Variants in E2F3 observed in about 807,000 individuals in gnomAD.
E2F3 encodes the protein E2F transcription factor 3, also known as transcription factor E2F3.
Under a neutral mutation model 44.4 loss-of-function variants are expected in E2F3, and 11 were observed. The observed-to-expected ratio is 0.25, with a 90% CI of 0.16 to 0.41. E2F3 has a LOEUF of 0.41. Among genes scored for constraint, E2F3 ranks in the 10% least tolerant of loss-of-function variants. E2F3 has a pLI of 1.00. For missense variants in E2F3, 487 were observed against 583.6 expected (o/e 0.83, Z 1.70); for synonymous variants, 249 against 253.0 (o/e 0.98, Z 0.15).
At chr6:20,457,077 C>T (rs1031099329) in intron 1 of E2F3, among the ~76,000 whole-genome samples, 3 of 151,994 alleles carry the variant, frequency 2.0e-5, no homozygotes, top group Non-Finnish European at 4.4e-5. Flanking sequence ...ATTTCTCCTC[C>T]GCACCCCCTT....
chr6:20,469,178 A>G (rs1454950546), intron 1 of E2F3, among the ~76,000 whole-genome samples: 1 of 152,238 alleles, frequency 6.6e-6, no homozygotes, highest in African/African-American at 2.4e-5. Context: ...TCAGTATATT[A>G]TTTGATACTG....
At chr6:20,404,287 G>A (rs1200376289) in intron 1 of E2F3, among the ~76,000 whole-genome samples, 1 of 152,186 alleles carries the variant, frequency 6.6e-6, no homozygotes, top group Admixed American at 6.5e-5. Flanking sequence ...GATGATTTAG[G>A]TCAGTATGCG....
In E2F3 at chr6:20,492,630, A is replaced by G; in HGVS notation, c.*2200A>G. 4.3e-6 allele frequency: 1 copy of G among 232,138 alleles called. No individual in the cohort carries two copies. The highest frequency in any genetic ancestry group is 2.2e-5 in the African/African-American group (1 of 45,340). The allele number at this position is 232,138 out of a possible 1,614,324, so 14.4% of individuals were successfully genotyped here. On this transcript the variant is annotated 3_prime_UTR_variant, in exon 7 of 7. Transcript: ENST00000346618. ...TTTCCAAAGTCTAAAGACTGAGCTC[A>G]CCTGGCTAGATTGTTGTGTGTTTTG...
intron 1 of E2F3, among the ~76,000 whole-genome samples, chr6:20,478,223 G>A (rs76978792): frequency 0.019 from 2,861 of 151,872 alleles, 72 homozygotes; most frequent in African/African-American, 0.061. Context: ...CAGTGGAAAC[G>A]GACAGTCCAA....
intron 1 of E2F3, among the ~76,000 whole-genome samples, chr6:20,468,357 C>CTCACAGA (rs1332106848): frequency 6.6e-6 from 1 of 152,194 alleles, no homozygotes; most frequent in Non-Finnish European, 1.5e-5. Flanking sequence ...GCTAGAGCAG[C>CTCACAGA]TCACAGAACT....
At chr6:20,480,023 G>A (rs1762170569) in intron 2 of E2F3, 66 bp downstream of exon 2, 3 of 1,534,006 alleles carry the variant, frequency 2.0e-6, no homozygotes, top group Non-Finnish European at 2.6e-6. Context: ...CAAAGCTTAT[G>A]GCCGGAAGGA....
At position 20,444,952 on chromosome 6, in the gene E2F3, T is replaced by C. The variant is rs1208704437; in HGVS notation, c.394-34894T>C. 4 of 444,114 alleles carry C rather than the reference T, an allele frequency of 9.0e-6. No individual in the cohort carries two copies. In the Admixed American group the frequency reaches 1.9e-4, roughly 21 times the overall value. The allele number at this position is 444,114 out of a possible 1,614,324, so 27.5% of individuals were successfully genotyped here. A position where few individuals can be genotyped will look rare whatever the true frequency, so the allele number is the denominator to read the frequency against. On this transcript the variant is annotated intron_variant, in intron 1 of 6. Coordinates refer to ENST00000346618, the MANE Select transcript of E2F3 (RefSeq NM_001949.5). The stretch of plus-strand genomic sequence containing the variant: ...GCTGGGGACAGCCGTTTTGTCTGTT[T>C]ATCTCTAGGCCTTGCACTGTCCCTG...
At chr6:20,453,100 G>A (rs1420783616) in intron 1 of E2F3, among the ~76,000 whole-genome samples, 1 of 152,034 alleles carries the variant, frequency 6.6e-6, no homozygotes, top group African/African-American at 2.4e-5. Flanking sequence ...ATTTGTAAGG[G>A]CTCTTTATAT....
chr6:20,418,773 C>T (rs1759931363), intron 1 of E2F3, among the ~76,000 whole-genome samples: 1 of 151,976 alleles, frequency 6.6e-6, no homozygotes, highest in East Asian at 1.9e-4. Context: ...CATATGGACA[C>T]TGTCATTCAC....
intron 1 of E2F3, among the ~76,000 whole-genome samples, chr6:20,442,092 C>A (rs1760796892): frequency 6.6e-6 from 1 of 151,994 alleles, no homozygotes; most frequent in Non-Finnish European, 1.5e-5. Context: ...CTGCCTGCCC[C>A]TTTGGTGTTG....
chr6:20,423,413 T>G (rs1760092944), intron 1 of E2F3, among the ~76,000 whole-genome samples: 1 of 152,248 alleles, frequency 6.6e-6, no homozygotes, highest in Non-Finnish European at 1.5e-5. Flanking sequence ...CACTGGAATA[T>G]ATACAGTCTG....
chr6:20,469,052 T>C (rs565079250), intron 1 of E2F3, among the ~76,000 whole-genome samples: 3 of 152,150 alleles, frequency 2.0e-5, no homozygotes, highest in African/African-American at 7.2e-5. Flanking sequence ...TCTGATATGA[T>C]GGAGAGTTGG....
At chr6:20,485,717 T>C (rs1001044951) in intron 4 of E2F3, among the ~76,000 whole-genome samples, 1 of 152,222 alleles carries the variant, frequency 6.6e-6, no homozygotes, top group Non-Finnish European at 1.5e-5. Context: ...GAAATATTGA[T>C]AGAGTTAATA....
chr6:20,476,225 G>A (rs1282702861), intron 1 of E2F3, among the ~76,000 whole-genome samples: 3 of 152,104 alleles, frequency 2.0e-5, no homozygotes, highest in Non-Finnish European at 4.4e-5. Flanking sequence ...CAAAAAATTA[G>A]CCGGGCGTGG....
chr6:20,481,817 T>C (rs1351388235), intron 3 of E2F3, among the ~76,000 whole-genome samples: 1 of 152,132 alleles, frequency 6.6e-6, no homozygotes. Context: ...TGATGGCTTA[T>C]GGGTTATCTA....
At chr6:20,480,812 C>G (rs991206130) in intron 2 of E2F3, among the ~76,000 whole-genome samples, 1 of 152,202 alleles carries the variant, frequency 6.6e-6, no homozygotes, top group Non-Finnish European at 1.5e-5. Context: ...TAGTGAGACT[C>G]ATAGCCTGGC....
intron 1 of E2F3, among the ~76,000 whole-genome samples, chr6:20,471,670 G>A (rs1241689612): frequency 1.3e-5 from 2 of 152,144 alleles, no homozygotes; most frequent in Admixed American, 1.3e-4. Context: ...ACAAACCCTA[G>A]AAACAACCTA....
chr6:20,484,846 G>C (rs4134951), intron 4 of E2F3, among the ~76,000 whole-genome samples: 28,893 of 151,734 alleles, frequency 0.19, 3,268 homozygotes, highest in East Asian at 0.43. Flanking sequence ...CCAGCTACTC[G>C]GGAGGCTGAG....
chr6:20,482,620 A>ATGTG (rs59712782), intron 3 of E2F3, 142 bp from the exon 4 acceptor site: 10 of 293,378 alleles, frequency 3.4e-5, no homozygotes, highest in East Asian at 7.3e-5. Context: ...ATATATATAT[A>ATGTG]TGTGTAAATG....
Sources: gnomAD v4.1 joint callset for allele counts (sites outside exome capture counted in the v4.1 genomes callset) on GRCh38, gnomAD v4.1.1 for gene constraint, MANE v1.5 for transcripts, NCBI Gene and HGNC (gene_info 2026-07-23, HGNC 2026-07-21) for gene names.